CNTN5: variants seen among roughly 807,000 people sequenced by gnomAD.
CNTN5 encodes contactin 5.
In CNTN5, 77 loss-of-function variants were observed where a neutral mutation model predicts 129.1. The ratio of observed to expected loss-of-function variants is 0.60; its 90% CI spans 0.50 to 0.72. The LOEUF (loss-of-function observed/expected upper bound fraction) is 0.72. Ranked by LOEUF, CNTN5 falls within the 30% of genes least tolerant of loss-of-function variation. The pLI, the probability that CNTN5 is intolerant of heterozygous loss-of-function variation, is 0.00. For missense variants in CNTN5, 1,478 were observed against 1,328.8 expected, an observed-to-expected ratio of 1.11 and a Z score of -1.75; for synonymous variants, 509 against 465.6, an observed-to-expected ratio of 1.09 and a Z score of -1.20.
At chr11:100,346,680 C>T (rs1952289546) in intron 23 of CNTN5, among the ~76,000 whole-genome samples, 1 of 152,058 alleles carries the variant, frequency 6.6e-6, no homozygotes, top group Non-Finnish European at 1.5e-5. Flanking sequence ...TCTCCCCTCA[C>T]CCATATCTAC....
chr11:99,472,189 A>C (rs1361639865), intron 2 of CNTN5, among the ~76,000 whole-genome samples: 1 of 152,120 alleles, frequency 6.6e-6, no homozygotes, highest in African/African-American at 2.4e-5. Context: ...AGAAAAGTAA[A>C]ATTTGGAAAT....
At chr11:99,618,165 C>T (rs1413140707) in intron 3 of CNTN5, among the ~76,000 whole-genome samples, 1 of 152,232 alleles carries the variant, frequency 6.6e-6, no homozygotes, top group East Asian at 1.9e-4. Context: ...TACCTTTACC[C>T]TCCTAAAAAT....
intron 3 of CNTN5, among the ~76,000 whole-genome samples, chr11:99,788,117 T>C (rs953487411): frequency 7.2e-5 from 11 of 151,974 alleles, no homozygotes; most frequent in African/African-American, 2.7e-4. Context: ...TTTCAGGTGA[T>C]CTCTTCCAGT....
At chr11:99,674,942 A>G (rs931515897) in intron 3 of CNTN5, among the ~76,000 whole-genome samples, 1 of 151,456 alleles carries the variant, frequency 6.6e-6, no homozygotes, top group South Asian at 2.1e-4. Context: ...CTTGCCATGG[A>G]TGTGCATACT....
intron 7 of CNTN5, among the ~76,000 whole-genome samples, chr11:99,942,991 A>ACAGTGCTC (rs1449822566): frequency 6.6e-6 from 1 of 152,056 alleles, no homozygotes; most frequent in Non-Finnish European, 1.5e-5. Flanking sequence ...GCTATTGTAA[A>ACAGTGCTC]CAGTGCTCCA....
At chr11:99,233,868 C>T (rs1861132861) in intron 1 of CNTN5, among the ~76,000 whole-genome samples, 1 of 152,010 alleles carries the variant, frequency 6.6e-6, no homozygotes, top group Admixed American at 6.6e-5. Context: ...ATGGTGTGAA[C>T]CCGGAAGGCG....
rs115462035 is a variant in CNTN5 at position 99,464,031 on chromosome 11, C to T, written c.-70-92114C>T. The stretch of plus-strand genomic sequence containing the variant: ...TGATGATCATAGTGAATTTTTGAAG[C>T]TCTCTTTACTAATTTCTTTAACTGG... On this transcript the variant is annotated intron_variant, in intron 2 of 24. Coordinates refer to ENST00000524871, the MANE Select transcript of CNTN5 (RefSeq NM_014361.4). Among the ~76,000 whole-genome samples the T allele has an allele frequency of 5.3e-3, 807 of 152,246 alleles. 8 individuals carry two copies. Among genetic ancestry groups the T allele is most frequent in the African/African-American group, 0.018 (762 of 41,544 alleles).
intron 16 of CNTN5, among the ~76,000 whole-genome samples, chr11:100,229,228 A>C (rs1350904249): frequency 6.6e-6 from 1 of 152,114 alleles, no homozygotes; most frequent in Non-Finnish European, 1.5e-5. Flanking sequence ...ATTTTACCCC[A>C]TGAGTCATAT....
chr11:99,352,997 C>T (rs186857047), intron 2 of CNTN5, among the ~76,000 whole-genome samples: 76 of 152,250 alleles, frequency 5.0e-4, no homozygotes, highest in South Asian at 2.3e-3. Flanking sequence ...GAGAGCCGGG[C>T]GGTGAATCTC....
chr11:100,199,091 T>C (rs1286908993), intron 15 of CNTN5, among the ~76,000 whole-genome samples: 1 of 151,958 alleles, frequency 6.6e-6, no homozygotes, highest in African/African-American at 2.4e-5. Context: ...ACTGCCAGTT[T>C]ACTAAGGCAC....
intron 16 of CNTN5, among the ~76,000 whole-genome samples, chr11:100,239,291 GA>G (rs1204557992): frequency 1.9e-4 from 29 of 152,024 alleles, no homozygotes; most frequent in Non-Finnish European, 5.9e-5. Flanking sequence ...TGAGTAAAAA[GA>G]AAGTTAAATA....
At chr11:99,201,870 T>C (rs12362278) in intron 1 of CNTN5, among the ~76,000 whole-genome samples, 34,853 of 152,152 alleles carry the variant, frequency 0.23, 4,053 homozygotes, top group Middle Eastern at 0.26. Flanking sequence ...ACCTGGATTT[T>C]ATTCTAGTGA....
intron 13 of CNTN5, among the ~76,000 whole-genome samples, chr11:100,161,065 A>C (rs1947429247): frequency 1.3e-5 from 2 of 152,104 alleles, no homozygotes; most frequent in African/African-American, 4.8e-5. Context: ...AGTAGAGCTG[A>C]ATATTTCATG....
At chr11:100,017,582 G>T (rs1367669606) in intron 9 of CNTN5, among the ~76,000 whole-genome samples, 1 of 151,964 alleles carries the variant, frequency 6.6e-6, no homozygotes, top group East Asian at 1.9e-4. Context: ...ATTAGAACCT[G>T]AGTGATGACA....
intron 3 of CNTN5, among the ~76,000 whole-genome samples, chr11:99,776,535 C>T (rs1234850216): frequency 1.3e-5 from 2 of 151,382 alleles, no homozygotes. Context: ...ATATTGAAAT[C>T]TTCATTTAAA....
chr11:99,871,945 C>T (rs190145230), intron 6 of CNTN5, among the ~76,000 whole-genome samples: 22 of 151,176 alleles, frequency 1.5e-4, no homozygotes, highest in Admixed American at 8.6e-4. Flanking sequence ...AATATTGTAA[C>T]AAATGCCACA....
At chr11:99,484,777 T>C (rs1051892116) in intron 2 of CNTN5, among the ~76,000 whole-genome samples, 1 of 151,914 alleles carries the variant, frequency 6.6e-6, no homozygotes, top group African/African-American at 2.4e-5. Flanking sequence ...GAAATAAGCC[T>C]GGAACAGAAA....
chr11:99,383,091 G>T (rs1591604136), intron 2 of CNTN5, among the ~76,000 whole-genome samples: 2 of 150,850 alleles, frequency 1.3e-5, no homozygotes, highest in East Asian at 3.9e-4. Context: ...TCCTGACCTT[G>T]TGATCCGCCT....
chr11:100,055,028 TAA>T (rs137939088), intron 9 of CNTN5, among the ~76,000 whole-genome samples: 2,881 of 91,548 alleles, frequency 0.031, 55 homozygotes, highest in African/African-American at 0.082. Context: ...AGCCGTAGCC[TAA>T]AAAAAAAAAA....
Sources: gnomAD v4.1 joint callset for allele counts (sites outside exome capture counted in the v4.1 genomes callset) on GRCh38, gnomAD v4.1.1 for gene constraint, MANE v1.5 for transcripts, NCBI Gene and HGNC (gene_info 2026-07-23, HGNC 2026-07-21) for gene names.